Variants in NPAP1 observed in about 807,000 individuals in gnomAD.
NPAP1 encodes nuclear pore associated protein 1, also known as nuclear pore-associated protein 1.
For synonymous variants in NPAP1, 616 were observed against 581.4 expected (o/e 1.06, Z -0.86); for missense variants, 1,483 against 1,454.5 (o/e 1.02, Z -0.32).
rs2141308593 is a variant in NPAP1, at chr15:24,676,708, C to T, written c.841C>T (p.Leu281=). Residue 281 remains leucine, a synonymous_variant, in exon 1 of 1, where the codon CTG becomes TTG. Coordinates refer to ENST00000329468, the MANE Select transcript of NPAP1 (RefSeq NM_018958.3). ...LLQQKLAAEV[L]NEEPPPSSLG... ...GCAGCAGAAGTTGGCTGCGGAAGTG[C>T]TGAATGAAGAGCCACCGCCCAGCTC... 1 of 1,614,070 alleles carries T rather than the reference C, an allele frequency of 6.2e-7. No individual in the cohort carries two copies. Among genetic ancestry groups the T allele is most frequent in the East Asian group, 2.2e-5 (1 of 44,872 alleles).
Position 24,676,181 on chromosome 15 carries a change from C to A in NPAP1, c.314C>A (p.Pro105His), listed in dbSNP as rs547726384. 1.9e-6 allele frequency: 3 copies of A among 1,571,972 alleles called. No individual in the cohort carries two copies. The highest frequency in any genetic ancestry group is 2.6e-6 in the Non-Finnish European group (3 of 1,161,022). The part of the protein sequence containing the change: ...RKTPMLPARN[P>H]PRFGHPSSVR... ...ACACCCATGCTGCCTGCTCGGAACC[C>A]CCCGAGGTTTGGACACCCCAGTTCC... The change falls in exon 1 of 1, where the codon CCC (proline) becomes CAC (histidine). Residue 105 changes from proline (P) to histidine (H), a missense_variant. Physicochemically the swap from Pro to His is moderately conservative, Grantham distance 77. Transcript: ENST00000329468.
rs755057795 is a variant in NPAP1 at position 24,676,971 on chromosome 15, C to G, written c.1104C>G (p.Thr368=). 1 of 1,613,932 alleles carries G rather than the reference C, an allele frequency of 6.2e-7. No homozygotes were observed. The highest frequency in any genetic ancestry group is 8.5e-7 in the Non-Finnish European group (1 of 1,179,984). The part of the protein sequence containing the change: ...PCLSVEGDLH[T]LEKSPEYKRN... The stretch of plus-strand genomic sequence containing the variant: ...TGTCTGTTGAGGGAGACCTACACAC[C>G]TTGGAGAAGAGCCCTGAGTATAAAA... The change falls in exon 1 of 1, where the codon ACC becomes ACG. Residue 368 remains threonine, a synonymous_variant. Coordinates refer to ENST00000329468, the MANE Select transcript of NPAP1 (RefSeq NM_018958.3).
In NPAP1 at chr15:24,676,779, TGAG is replaced by T. The variant is rs755724377; in HGVS notation, c.913_915del (p.Glu305del). On this transcript the variant is annotated inframe_deletion, in exon 1 of 1. Transcript: ENST00000329468. ...TGATGTCCGGAAAGAGGATGCCTGATGAGAAGCCTTTCTGTATTCCTCCAAGGA... is the reference window on the plus strand; with the variant it reads ...TGATGTCCGGAAAGAGGATGCCTGATAAGCCTTTCTGTATTCCTCCAAGGA... 86 of 1,613,610 alleles carry T rather than the reference TGAG, an allele frequency of 5.3e-5. 2 individuals carry two copies. The South Asian group carries it at 9.3e-4, about 18-fold the overall frequency.
Position 24,681,797 on chromosome 15 carries a change from G to A in NPAP1, c.*2459G>A, listed in dbSNP as rs957015080. On this transcript the variant is annotated 3_prime_UTR_variant, in exon 1 of 1. Coordinates refer to ENST00000329468, the MANE Select transcript of NPAP1 (RefSeq NM_018958.3). ...TAGATAGATGATAGATAGATACATA[G>A]ATAGATGATAGAGATAGATGATAGA... 1.8e-5 allele frequency: 3 copies of A among 165,882 alleles called. No homozygotes were observed. The highest frequency in any genetic ancestry group is 4.4e-5 in the Non-Finnish European group (3 of 67,980). 10.3% of individuals were successfully genotyped at this position (165,882 alleles called of 1,614,324 possible).
Position 24,676,982 on chromosome 15 carries a change from G to T in NPAP1, c.1115G>T (p.Ser372Ile). ...GGAGACCTACACACCTTGGAGAAGA[G>T]CCCTGAGTATAAAAGGAATAGCAGA... Reference protein sequence around the residue: ...VEGDLHTLEKSPEYKRNSRIL... With the variant: ...VEGDLHTLEKIPEYKRNSRIL... Residue 372 changes from serine to isoleucine, a missense_variant, in exon 1 of 1, where the codon AGC (serine) becomes ATC (isoleucine). Ser to Ile is a moderately radical substitution (Grantham distance 142, BLOSUM62 -2). Transcript: ENST00000329468. The T allele has an allele frequency of 6.2e-7, 1 of 1,613,876 alleles. No individual in the cohort carries two copies. Among genetic ancestry groups the T allele is most frequent in the Non-Finnish European group, 8.5e-7 (1 of 1,180,000 alleles).
chr15:24,678,842 G>C lies in NPAP1; in HGVS notation c.2975G>C (p.Gly992Ala), dbSNP rs763257404. ...ATTGCCACTGGGATGCCTGGCACTG[G>C]AGACAGTACCTTACTGGTTGGAAAT... ...FRIATGMPGTGDSTLLVGNTI... is the reference protein window; with the variant it reads ...FRIATGMPGTADSTLLVGNTI... Residue 992 changes from glycine to alanine, a missense_variant, in exon 1 of 1, where the codon GGA (glycine) becomes GCA (alanine). Physicochemically the swap from Gly to Ala is moderately conservative, Grantham distance 60. Coordinates refer to ENST00000329468, the MANE Select transcript of NPAP1 (RefSeq NM_018958.3). 4.5e-5 allele frequency: 73 copies of C among 1,614,106 alleles called. No individual in the cohort carries two copies. The highest frequency in any genetic ancestry group is 2.7e-4 in the Admixed American group (16 of 60,000).
Position 24,676,565 on chromosome 15 carries a change from G to T in NPAP1, c.698G>T (p.Cys233Phe), listed in dbSNP as rs747749025. The T allele has an allele frequency of 1.2e-6, 2 of 1,613,948 alleles. No individual in the cohort carries two copies. Among genetic ancestry groups the T allele is most frequent in the Non-Finnish European group, 1.7e-6 (2 of 1,180,044 alleles). ...EKAQASPASS[C>F]LEGPAMPSTH... ...GCCCAGGCGTCTCCAGCGAGCTCCT[G>T]CTTGGAAGGCCCTGCCATGCCCAGC... Residue 233 changes from cysteine (C) to phenylalanine (F), a missense_variant, in exon 1 of 1, where the codon TGC becomes TTC. By Grantham distance (205) the Cys-to-Phe change is radical. Transcript: ENST00000329468.
rs1566757711 is a variant in NPAP1 at position 24,679,987 on chromosome 15, GTTTGTTTGTTT to G, written c.*650_*660del. On this transcript the variant is annotated 3_prime_UTR_variant, in exon 1 of 1. Coordinates refer to ENST00000329468, the MANE Select transcript of NPAP1 (RefSeq NM_018958.3). The stretch of plus-strand genomic sequence containing the variant: ...ACCAGCATTGTTTTTGTTTTGGTTT[GTTTGTTTGTTT>G]GTTTGTTTGTTTGTTTGTTTTTGAG... 1.6e-3 allele frequency: 173 copies of G among 106,154 alleles called. 1 individual carries two copies. Among genetic ancestry groups the G allele is most frequent in the African/African-American group, 1.0e-3 (20 of 19,638 alleles). 6.6% of individuals were successfully genotyped at this position (106,154 alleles called of 1,614,324 possible).
chr15:24,681,793 C>T lies in NPAP1; in HGVS notation c.*2455C>T, dbSNP rs12899372. The T allele has an allele frequency of 6.8e-6, 1 of 147,402 alleles. No homozygotes were observed. The highest frequency in any genetic ancestry group is 2.7e-5 in the African/African-American group (1 of 37,684). 9.1% of individuals were successfully genotyped at this position (147,402 alleles called of 1,614,324 possible). On this transcript the variant is annotated 3_prime_UTR_variant, in exon 1 of 1. Coordinates refer to ENST00000329468, the MANE Select transcript of NPAP1 (RefSeq NM_018958.3). ...AAGATAGATAGATGATAGATAGATACATAGATAGATGATAGAGATAGATGA... is the reference window on the plus strand; with the variant it reads ...AAGATAGATAGATGATAGATAGATATATAGATAGATGATAGAGATAGATGA...
rs768448664 is a variant in NPAP1 at position 24,677,751 on chromosome 15, C to T, written c.1884C>T (p.Phe628=). 1 of 1,613,982 alleles carries T rather than the reference C, an allele frequency of 6.2e-7. No homozygotes were observed. Among genetic ancestry groups the T allele is most frequent in the African/African-American group, 1.3e-5 (1 of 74,898 alleles). ...ACACATCCCCACTTCCATTTATATT[C>T]CACAATACCACCCCAAGTTTTAACC... ...SVYTSPLPFI[F]HNTTPSFNQL... The change falls in exon 1 of 1, where the codon TTC becomes TTT. Residue 628 remains phenylalanine, a synonymous_variant. Coordinates refer to ENST00000329468, the MANE Select transcript of NPAP1 (RefSeq NM_018958.3).
Position 24,678,377 on chromosome 15 carries a change from A to T in NPAP1, c.2510A>T (p.Gln837Leu), listed in dbSNP as rs1393797547. The T allele has an allele frequency of 6.2e-7, 1 of 1,613,780 alleles. No individual in the cohort carries two copies. The highest frequency in any genetic ancestry group is 8.5e-7 in the Non-Finnish European group (1 of 1,180,000). The change falls in exon 1 of 1, where the codon CAG becomes CTG. Residue 837 changes from glutamine (Q) to leucine (L), a missense_variant. Physicochemically the swap from Gln to Leu is moderately radical, Grantham distance 113 (BLOSUM62 -2). Transcript: ENST00000329468. The part of the protein sequence containing the change: ...TTPPSKTVIL[Q>L]STFVSRKEEY... ...CCTCCTTCCAAAACTGTCATCTTGCAGTCTACCTTTGTCTCCAGGAAGGAG... is the reference window on the plus strand; with the variant it reads ...CCTCCTTCCAAAACTGTCATCTTGCTGTCTACCTTTGTCTCCAGGAAGGAG...
Position 24,676,900 on chromosome 15 carries a change from C to G in NPAP1, c.1033C>G (p.Leu345Val), listed in dbSNP as rs759064035. The change falls in exon 1 of 1, where the codon CTG becomes GTG. Residue 345 changes from leucine to valine, a missense_variant. By Grantham distance (32) the Leu-to-Val change is conservative. Transcript: ENST00000329468. The part of the protein sequence containing the change: ...LLPLPPSLPL[L>V]WDRGELPPPA... ...GCCGCTGCCCCCTTCACTGCCATTG[C>G]TGTGGGATCGAGGTGAGCTTCCCCC... The G allele has an allele frequency of 6.2e-7, 1 of 1,613,738 alleles. No homozygotes were observed.
In NPAP1 at chr15:24,678,113, C is replaced by G. The variant is rs2141311869; in HGVS notation, c.2246C>G (p.Pro749Arg). 2 of 1,613,570 alleles carry G rather than the reference C, an allele frequency of 1.2e-6. No homozygotes were observed. The highest frequency in any genetic ancestry group is 1.7e-6 in the Non-Finnish European group (2 of 1,179,904). The change falls in exon 1 of 1, where the codon CCT (proline) becomes CGT (arginine). Residue 749 changes from proline to arginine, a missense_variant. Pro to Arg is a moderately radical substitution (Grantham distance 103). Coordinates refer to ENST00000329468, the MANE Select transcript of NPAP1 (RefSeq NM_018958.3). The part of the protein sequence containing the change: ...TASVQGSTSL[P>R]AQSVRAPATA... The stretch of plus-strand genomic sequence containing the variant: ...TCAGTCCAAGGCTCCACCAGTTTGC[C>G]TGCACAGTCAGTCAGGGCACCAGCT...
rs1319337851 is a variant in NPAP1, at chr15:24,678,776, G to A, written c.2909G>A (p.Ser970Asn). The A allele has an allele frequency of 3.7e-6, 6 of 1,614,116 alleles. No individual in the cohort carries two copies. In the Admixed American group the frequency reaches 1.0e-4, roughly 27 times the overall value. ...GAGCCAGTCGAGGGTCACAATGCAA[G>A]TGCTTTCCCCAATGGCACAGCAAAG... ...NAEPVEGHNA[S>N]AFPNGTAKTS... The change falls in exon 1 of 1, where the codon AGT (serine) becomes AAT (asparagine). Residue 970 changes from serine (S) to asparagine (N), a missense_variant. Physicochemically the swap from Ser to Asn is conservative, Grantham distance 46 (BLOSUM62 1). Coordinates refer to ENST00000329468, the MANE Select transcript of NPAP1 (RefSeq NM_018958.3).
rs141076538 is a variant in NPAP1, at chr15:24,677,781, C to G, written c.1914C>G (p.Leu638=). Residue 638 remains leucine (L), a synonymous_variant, in exon 1 of 1, where the codon CTC becomes CTG. Coordinates refer to ENST00000329468, the MANE Select transcript of NPAP1 (RefSeq NM_018958.3). ...ATACCACCCCAAGTTTTAACCAACTCTTTGGAAAAGAAGCCACCCCTCAGC... is the reference window on the plus strand; with the variant it reads ...ATACCACCCCAAGTTTTAACCAACTGTTTGGAAAAGAAGCCACCCCTCAGC... ...FHNTTPSFNQ[L]FGKEATPQPK... The G allele has an allele frequency of 3.0e-5, 48 of 1,614,030 alleles. No individual in the cohort carries two copies. The highest frequency in any genetic ancestry group is 1.1e-5 in the Non-Finnish European group (13 of 1,180,042).
In NPAP1 at chr15:24,675,954, C is replaced by G. The variant is rs1156681673; in HGVS notation, c.87C>G (p.Ser29=). Residue 29 remains serine, a synonymous_variant, in exon 1 of 1, where the codon TCC becomes TCG. Transcript: ENST00000329468. The stretch of plus-strand genomic sequence containing the variant: ...GGCGTGGCGCCCCCGCTCCCCTGTC[C>G]CGGGACGCCTCCCCGCCCGGTCGGG... ...GPGRGAPAPL[S]RDASPPGRAH... is the part of the protein sequence containing the mutation. 6.3e-7 allele frequency: 1 copy of G among 1,591,512 alleles called. No individual in the cohort carries two copies. Among genetic ancestry groups the G allele is most frequent in the East Asian group, 2.3e-5 (1 of 43,320 alleles).
rs1002247974 is a variant in NPAP1 at position 24,677,980 on chromosome 15, C to T, written c.2113C>T (p.Pro705Ser). The T allele has an allele frequency of 6.2e-6, 10 of 1,613,852 alleles. No individual in the cohort carries two copies. In the African/African-American group the frequency reaches 6.7e-5, roughly 11 times the overall value. ...IETNAMHTTP[P>S]SKAVILQSAS... Reference sequence around the variant, plus strand: ...AACCAATGCTATGCATACCACTCCTCCTTCCAAGGCTGTCATCTTGCAGTC... The same window carrying T: ...AACCAATGCTATGCATACCACTCCTTCTTCCAAGGCTGTCATCTTGCAGTC... The change falls in exon 1 of 1, where the codon CCT becomes TCT. Residue 705 changes from proline to serine, a missense_variant. Coordinates refer to ENST00000329468, the MANE Select transcript of NPAP1 (RefSeq NM_018958.3).
chr15:24,679,480 A>G lies in NPAP1; in HGVS notation c.*142A>G. The G allele has an allele frequency of 3.0e-6, 2 of 664,378 alleles. No individual in the cohort carries two copies. The highest frequency in any genetic ancestry group is 2.6e-6 in the Non-Finnish European group (1 of 377,614). 41.2% of individuals were successfully genotyped at this position (664,378 alleles called of 1,614,324 possible). A position where few individuals can be genotyped will look rare whatever the true frequency, so the allele number is the denominator to read the frequency against. On this transcript the variant is annotated 3_prime_UTR_variant, in exon 1 of 1. Coordinates refer to ENST00000329468, the MANE Select transcript of NPAP1 (RefSeq NM_018958.3). ...CTCTCCAGAACTCAGGTTGTGCACC[A>G]GGAGGGGACAACAACATCCCTGTGC...
rs2049028741 is a variant in NPAP1 at position 24,683,295 on chromosome 15, A to G, written c.*3957A>G. On this transcript the variant is annotated 3_prime_UTR_variant, in exon 1 of 1. Coordinates refer to ENST00000329468, the MANE Select transcript of NPAP1 (RefSeq NM_018958.3). The stretch of plus-strand genomic sequence containing the variant: ...AGCAGTAGGGTGGACGCGTCAGGTT[A>G]TAAATGACCCTGTCTCCTTTGTTCG... 6.0e-6 allele frequency: 1 copy of G among 167,204 alleles called. No individual in the cohort carries two copies. The allele number at this position is 167,204 out of a possible 1,614,324, so 10.4% of individuals were successfully genotyped here.
Sources: allele counts gnomAD v4.1 joint callset, GRCh38; gene constraint gnomAD v4.1.1; transcripts MANE v1.5; gene names NCBI Gene and HGNC (gene_info 2026-07-23, HGNC 2026-07-21).